The following WDR25 variants were observed in gnomAD, a reference collection of about 807,000 sequenced individuals.
WDR25 encodes WD repeat domain 25, also known as WD repeat-containing protein 25.
A neutral mutation model predicts 47.7 loss-of-function variants in WDR25; 35 were observed. The ratio of observed to expected loss-of-function variants is 0.73; its 90% CI spans 0.56 to 0.97. WDR25 has a LOEUF of 0.97. Ranked by LOEUF, WDR25 falls within the 50% of genes least tolerant of loss-of-function variation. The pLI, the probability that WDR25 is intolerant of heterozygous loss-of-function variation, is 0.00. For missense variants in WDR25, 634 were observed against 704.7 expected (o/e 0.90, Z 1.14); for synonymous variants, 248 against 278.9 (o/e 0.89, Z 1.10).
At position 100,383,948 on chromosome 14, in the gene WDR25, C is replaced by T. The variant is rs1595486855; in HGVS notation, c.822+2202C>T. On this transcript the variant is annotated intron_variant, in intron 2 of 6. Coordinates refer to ENST00000402312, the MANE Select transcript of WDR25 (RefSeq NM_001161476.3). Reference sequence around the variant, plus strand: ...GTGGTAGGAATGCCCTGCTCCTGGGCGATTCAGAGACCTGGGTCCGGGTCT... The same window carrying T: ...GTGGTAGGAATGCCCTGCTCCTGGGTGATTCAGAGACCTGGGTCCGGGTCT... Among the ~76,000 whole-genome samples the T allele has an allele frequency of 1.3e-5, 2 of 152,180 alleles. 1 individual carries two copies. Among genetic ancestry groups the T allele is most frequent in the South Asian group, 4.1e-4 (2 of 4,832 alleles).
At chr14:100,517,531 A>G (rs1901546019) in intron 4 of WDR25, among the ~76,000 whole-genome samples, 1 of 152,152 alleles carries the variant, frequency 6.6e-6, no homozygotes. Context: ...TTAATATTTT[A>G]CCACTTCAAG....
intron 2 of WDR25, among the ~76,000 whole-genome samples, chr14:100,467,684 C>T (rs1357318360): frequency 6.6e-5 from 10 of 151,958 alleles, no homozygotes; most frequent in Non-Finnish European, 2.9e-5. Flanking sequence ...AAAGGTTTCA[C>T]CATGTTGCCT....
chr14:100,446,056 C>T (rs1207297233), intron 2 of WDR25, among the ~76,000 whole-genome samples: 1 of 152,182 alleles, frequency 6.6e-6, no homozygotes, highest in African/African-American at 2.4e-5. Flanking sequence ...TTGGTGTTTG[C>T]CCCAGATATT....
intron 3 of WDR25, among the ~76,000 whole-genome samples, chr14:100,470,939 C>CATTCAACTGTTGAATGAACTGTTGA (rs1899809585): frequency 6.6e-6 from 1 of 152,200 alleles, no homozygotes; most frequent in Non-Finnish European, 1.5e-5. Flanking sequence ...CCACTGGGTT[C>CATTCAACTGTTGAATGAACTGTTGA]ATTCAACTGT....
In WDR25 at chr14:100,477,747, C is replaced by T. The variant is rs111329419; in HGVS notation, c.971-6247C>T. Among the ~76,000 whole-genome samples the T allele has an allele frequency of 4.1e-4, 62 of 152,318 alleles. 2 individuals carry two copies. The highest frequency in any genetic ancestry group is 1.5e-3 in the African/African-American group (62 of 41,564). On this transcript the variant is annotated intron_variant, in intron 3 of 6. Transcript: ENST00000402312. The stretch of plus-strand genomic sequence containing the variant: ...CCAGGGCGTTGTATTTTCAAAGCCT[C>T]ATGAGAAAAGCTGAAAAAGCATTAA...
intron 4 of WDR25, among the ~76,000 whole-genome samples, chr14:100,504,167 G>A (rs1901034987): frequency 6.6e-6 from 1 of 152,038 alleles, no homozygotes; most frequent in Admixed American, 6.6e-5. Flanking sequence ...TCTTTAAAAG[G>A]TGTGGGCTTA....
intron 2 of WDR25, among the ~76,000 whole-genome samples, chr14:100,422,392 G>T (rs1221707629): frequency 6.6e-6 from 1 of 152,178 alleles, no homozygotes; most frequent in Non-Finnish European, 1.5e-5. Context: ...AGCCTCAAAG[G>T]CAGGCAGCAT....
chr14:100,440,368 G>A lies in WDR25; in HGVS notation c.823-27653G>A, dbSNP rs1898632300. Among the ~76,000 whole-genome samples, 1 of 152,252 alleles carries A rather than the reference G, an allele frequency of 6.6e-6. No individual in the cohort carries two copies. ...GGAGCCCTTCGGCCACGGCAGCGGG[G>A]TGGCGCCAGACACCTGGCTTTGAGT... is the stretch of plus-strand genomic sequence containing the variant. On this transcript the variant is annotated intron_variant, in intron 2 of 6. Transcript: ENST00000402312. The surrounding 1 kb of genome is among the most constrained non-coding windows in gnomAD (Gnocchi z 4.4).
Position 100,449,453 on chromosome 14 carries a change from C to T in WDR25, c.823-18568C>T, listed in dbSNP as rs370065882. Among the ~76,000 whole-genome samples, 15 of 152,312 alleles carry T rather than the reference C, an allele frequency of 9.8e-5. No homozygotes were observed. Among genetic ancestry groups the T allele is most frequent in the South Asian group, 6.2e-4 (3 of 4,824 alleles). On this transcript the variant is annotated intron_variant, in intron 2 of 6. Coordinates refer to ENST00000402312, the MANE Select transcript of WDR25 (RefSeq NM_001161476.3). This position sits in a 1 kb window ranked among gnomAD's most constrained non-coding sequence, Gnocchi z 4.2. ...TTTCTGAGAGTGGTCACCTCTATTCCGGGGCCCTGCCCTGGCTGGCTGTTG... is the reference window on the plus strand; with the variant it reads ...TTTCTGAGAGTGGTCACCTCTATTCTGGGGCCCTGCCCTGGCTGGCTGTTG...
At chr14:100,481,618 A>G (rs549571756) in intron 3 of WDR25, among the ~76,000 whole-genome samples, 1 of 152,164 alleles carries the variant, frequency 6.6e-6, no homozygotes, top group Non-Finnish European at 1.5e-5. Context: ...TTAAATGGCC[A>G]TATGGAGTCA....
chr14:100,528,317 T>C (rs1292758864), intron 5 of WDR25, among the ~76,000 whole-genome samples: 1 of 152,208 alleles, frequency 6.6e-6, no homozygotes, highest in Non-Finnish European at 1.5e-5. Flanking sequence ...CTTCTGGCTT[T>C]TGGTGACAGC....
At chr14:100,409,063 A>C (rs1476853871) in intron 2 of WDR25, among the ~76,000 whole-genome samples, 1 of 152,156 alleles carries the variant, frequency 6.6e-6, no homozygotes, top group Non-Finnish European at 1.5e-5. Context: ...CAAGGGCTTC[A>C]TAGAAATTTC....
intron 2 of WDR25, among the ~76,000 whole-genome samples, chr14:100,434,425 TC>T (rs1279784795): frequency 6.6e-6 from 1 of 152,200 alleles, no homozygotes; most frequent in Admixed American, 6.5e-5. Context: ...ATTGCTAACT[TC>T]TGCAAAAAGA....
intron 2 of WDR25, among the ~76,000 whole-genome samples, chr14:100,397,204 A>G (rs1326450743): frequency 6.6e-6 from 1 of 152,240 alleles, no homozygotes; most frequent in Non-Finnish European, 1.5e-5. Context: ...TTGTCAAGGA[A>G]ACCAAAACCT....
At position 100,498,834 on chromosome 14, in the gene WDR25, C is replaced by T. The variant is rs1326696323; in HGVS notation, c.1101+14710C>T. 6.6e-6 allele frequency among the ~76,000 whole-genome samples: 1 copy of T among 152,232 alleles called. No homozygotes were observed. The highest frequency in any genetic ancestry group is 1.5e-5 in the Non-Finnish European group (1 of 68,048). On this transcript the variant is annotated intron_variant, in intron 4 of 6. Transcript: ENST00000402312. The surrounding 1 kb of genome is among the most constrained non-coding windows in gnomAD (Gnocchi z 4.2). The stretch of plus-strand genomic sequence containing the variant: ...TTTCTACTCGAAGGGGTATCTTTCT[C>T]TAATAGGAACCAAGGTGCCATGCGG...
intron 2 of WDR25, among the ~76,000 whole-genome samples, chr14:100,458,215 G>A (rs1256785595): frequency 2.0e-5 from 3 of 152,062 alleles, no homozygotes; most frequent in African/African-American, 4.8e-5. Context: ...CATACTAATA[G>A]TAATAAAAGA....
intron 4 of WDR25, among the ~76,000 whole-genome samples, chr14:100,513,540 T>C (rs1452103014): frequency 2.6e-5 from 4 of 152,212 alleles, no homozygotes; most frequent in Non-Finnish European, 5.9e-5. Flanking sequence ...GGCTTGCAAT[T>C]TGTGTCTCTA....
At chr14:100,444,160 G>C (rs1262544836) in intron 2 of WDR25, among the ~76,000 whole-genome samples, 1 of 152,206 alleles carries the variant, frequency 6.6e-6, no homozygotes, top group African/African-American at 2.4e-5. Flanking sequence ...TGCCTGAGAA[G>C]GACTAAGTTG....
intron 2 of WDR25, among the ~76,000 whole-genome samples, chr14:100,431,763 G>A (rs972604118): frequency 4.6e-5 from 7 of 150,834 alleles, no homozygotes; most frequent in Non-Finnish European, 5.9e-5. Context: ...AGGCTGGAGT[G>A]CAGTGGCATG....
Sources: gnomAD v4.1 joint callset for allele counts (sites outside exome capture counted in the v4.1 genomes callset) on GRCh38, gnomAD v4.1.1 for gene constraint, Gnocchi (gnomAD v3.1) non-coding constraint, MANE v1.5 for transcripts, NCBI Gene and HGNC (gene_info 2026-07-23, HGNC 2026-07-21) for gene names.